The following RBFOX1 variants were observed in gnomAD, a reference collection of about 807,000 sequenced individuals.
RBFOX1 encodes RNA binding fox-1 homolog 1.
Under a neutral mutation model 57.7 loss-of-function variants are expected in RBFOX1, and 8 were observed. The ratio of observed to expected loss-of-function variants is 0.14; its 90% CI spans 0.08 to 0.25. The LOEUF (loss-of-function observed/expected upper bound fraction) is 0.25. RBFOX1 is among the 10% of genes least tolerant of loss of function. RBFOX1 has a pLI of 1.00. For synonymous variants in RBFOX1, 326 were observed against 222.4 expected, an observed-to-expected ratio of 1.47 and a Z score of -4.15; for missense variants, 611 against 548.5, an observed-to-expected ratio of 1.11 and a Z score of -1.14.
chr16:7,324,728 TCCTCACTTACA>T (rs763395668), intron 4 of RBFOX1, among the ~76,000 whole-genome samples: 57 of 152,296 alleles, frequency 3.7e-4, no homozygotes, highest in Middle Eastern at 3.4e-3. Context: ...ATCAGCAGGC[TCCTCACTTACA>T]AAACCTACTG....
intron 1 of RBFOX1, among the ~76,000 whole-genome samples, chr16:6,077,318 G>A (rs1396985737): frequency 1.2e-5 from 1 of 80,216 alleles, no homozygotes; most frequent in Non-Finnish European, 3.3e-5. Flanking sequence ...TGCTTTAGGT[G>A]TTAAAAAACA....
intron 3 of RBFOX1, among the ~76,000 whole-genome samples, chr16:6,791,598 A>C (rs545719903): frequency 1.7e-4 from 26 of 152,244 alleles, no homozygotes; most frequent in African/African-American, 5.8e-4. Flanking sequence ...ATCTCTACTA[A>C]AAATACAAAA....
intron 9 of RBFOX1, among the ~76,000 whole-genome samples, chr16:7,602,230 G>T (rs1015686819): frequency 6.6e-6 from 1 of 152,176 alleles, no homozygotes; most frequent in Non-Finnish European, 1.5e-5. Context: ...ACTGACACTT[G>T]ACCTTTGACA....
intron 3 of RBFOX1, among the ~76,000 whole-genome samples, chr16:7,017,454 C>T (rs569652571): frequency 6.6e-6 from 1 of 152,282 alleles, no homozygotes; most frequent in African/African-American, 2.4e-5. Flanking sequence ...GCATGCAACG[C>T]ACACACTGAC....
chr16:7,403,159 A>G (rs1031545982), intron 4 of RBFOX1, among the ~76,000 whole-genome samples: 9 of 152,222 alleles, frequency 5.9e-5, no homozygotes, highest in African/African-American at 2.2e-4. Context: ...ATATTTTGAT[A>G]TATGTATACA....
At chr16:6,945,104 G>A (rs147572657) in intron 3 of RBFOX1, among the ~76,000 whole-genome samples, 78 of 152,170 alleles carry the variant, frequency 5.1e-4, no homozygotes, top group African/African-American at 1.8e-3. Context: ...TGCACCCAAC[G>A]TCCCTTTGCT....
intron 2 of RBFOX1, among the ~76,000 whole-genome samples, chr16:6,639,055 C>G (rs961179131): frequency 2.6e-5 from 4 of 152,206 alleles, no homozygotes; most frequent in African/African-American, 9.7e-5. Context: ...CAGCCACCTA[C>G]AAAGCTTAGC....
intron 3 of RBFOX1, among the ~76,000 whole-genome samples, chr16:6,943,438 G>A (rs1296560724): frequency 6.6e-6 from 1 of 152,180 alleles, no homozygotes; most frequent in Non-Finnish European, 1.5e-5. Flanking sequence ...GCCGGGCGTG[G>A]TGGCTCACAC....
chr16:6,230,684 A>G (rs770637941), intron 1 of RBFOX1, among the ~76,000 whole-genome samples: 1 of 152,152 alleles, frequency 6.6e-6, no homozygotes, highest in Non-Finnish European at 1.5e-5. Flanking sequence ...ATTCAAGGGG[A>G]CCTTCATTTG....
intron 3 of RBFOX1, among the ~76,000 whole-genome samples, chr16:5,614,068 C>T (rs887249): frequency 0.71 from 108,260 of 151,886 alleles, 39,025 homozygotes; most frequent in East Asian, 0.85. Flanking sequence ...GCCTTTTTCT[C>T]GCTAAGAATG....
intron 1 of RBFOX1, among the ~76,000 whole-genome samples, chr16:5,245,663 C>G (rs1401736166): frequency 6.6e-6 from 1 of 152,132 alleles, no homozygotes; most frequent in Non-Finnish European, 1.5e-5. Flanking sequence ...AACTCCTGAC[C>G]TCAAGTGATC....
intron 2 of RBFOX1, among the ~76,000 whole-genome samples, chr16:6,474,438 T>C (rs1490524120): frequency 6.6e-6 from 1 of 152,220 alleles, no homozygotes; most frequent in East Asian, 1.9e-4. Flanking sequence ...CACTTTGCAA[T>C]TGTGCAGAAG....
intron 1 of RBFOX1, among the ~76,000 whole-genome samples, chr16:6,253,199 G>A (rs1419970031): frequency 6.6e-6 from 1 of 152,114 alleles, no homozygotes; most frequent in African/African-American, 2.4e-5. Context: ...ATTTCTCCTA[G>A]AGGAAGTTCA....
intron 1 of RBFOX1, among the ~76,000 whole-genome samples, chr16:5,378,779 A>G (rs1490292812): frequency 6.6e-6 from 1 of 151,634 alleles, no homozygotes; most frequent in African/African-American, 2.4e-5. Context: ...GCTAATGCCC[A>G]TCTCATCCTT....
At chr16:6,511,926 T>G (rs1343587424) in intron 2 of RBFOX1, among the ~76,000 whole-genome samples, 1 of 152,094 alleles carries the variant, frequency 6.6e-6, no homozygotes, top group Non-Finnish European at 1.5e-5. Context: ...GTTCAGATTA[T>G]GTCAGTATTT....
At chr16:7,366,878 C>T (rs1254408767) in intron 4 of RBFOX1, among the ~76,000 whole-genome samples, 1 of 152,122 alleles carries the variant, frequency 6.6e-6, no homozygotes, top group East Asian at 1.9e-4. Flanking sequence ...GCGCATAGAG[C>T]TTTTGGGATG....
intron 3 of RBFOX1, among the ~76,000 whole-genome samples, chr16:6,695,406 ACT>A (rs1358290463): frequency 1.9e-5 from 2 of 105,362 alleles, no homozygotes; most frequent in South Asian, 4.0e-4. Flanking sequence ...TAAGAGAGAA[ACT>A]CTGTCAAAAA....
chr16:5,773,305 A>G (rs1276876729), intron 3 of RBFOX1, among the ~76,000 whole-genome samples: 1 of 152,218 alleles, frequency 6.6e-6, no homozygotes, highest in Admixed American at 6.5e-5. Flanking sequence ...CTCCTTCCTC[A>G]GTGGTAAGTA....
intron 4 of RBFOX1, among the ~76,000 whole-genome samples, chr16:7,483,755 C>A (rs986737394): frequency 6.6e-6 from 1 of 152,210 alleles, no homozygotes; most frequent in Non-Finnish European, 1.5e-5. Context: ...TATGGCTTTG[C>A]ATCCAGAGTT....
Sources: allele counts gnomAD v4.1 joint callset (sites outside exome capture counted in the v4.1 genomes callset), GRCh38; gene constraint gnomAD v4.1.1; transcripts MANE v1.5; gene names NCBI Gene and HGNC (gene_info 2026-07-23, HGNC 2026-07-21).